Variants in FSHR observed in about 807,000 individuals in gnomAD.
FSHR encodes follicle-stimulating hormone receptor.
In FSHR, 46 loss-of-function variants were observed where a neutral mutation model predicts 52.1. That is an observed-to-expected ratio of 0.88 (90% CI 0.70 to 1.13). The LOEUF (loss-of-function observed/expected upper bound fraction) is 1.13, where lower values mean the gene tolerates loss of function less well. FSHR is among the 50% of genes most tolerant of loss of function. The pLI is 0.00. For synonymous variants in FSHR, 399 were observed against 309.6 expected, an observed-to-expected ratio of 1.29 and a Z score of -3.03; for missense variants, 964 against 834.6, an observed-to-expected ratio of 1.16 and a Z score of -1.91.
chr2:49,076,428 C>T lies in FSHR; in HGVS notation c.153-8138G>A, dbSNP rs2102241. Among the ~76,000 whole-genome samples the T allele has an allele frequency of 7.3e-3, 1,105 of 152,060 alleles. 16 individuals are homozygous for T. The highest frequency in any genetic ancestry group is 0.041 in the Middle Eastern group (12 of 294). On this transcript the variant is annotated intron_variant, in intron 1 of 9. Coordinates refer to ENST00000406846, the MANE Select transcript of FSHR (RefSeq NM_000145.4). ...CTTAGTCACTATCGTGAAAACAGCA[C>T]GGGAAAAACCCGCCCCCTTGATTCA...
At chr2:49,100,079 G>A (rs963963094) in intron 1 of FSHR, among the ~76,000 whole-genome samples, 1 of 152,060 alleles carries the variant, frequency 6.6e-6, no homozygotes, top group African/African-American at 2.4e-5. Context: ...TCTTTTACAC[G>A]TATTAACTCA....
chr2:49,021,878 T>G (rs1475318497), intron 2 of FSHR, among the ~76,000 whole-genome samples: 2 of 60,858 alleles, frequency 3.3e-5, no homozygotes, highest in African/African-American at 1.4e-4. Context: ...TATATATATA[T>G]ATATATATAG....
chr2:48,997,405 G>C, intron 4 of FSHR: 1 of 984,966 alleles, frequency 1.0e-6, no homozygotes, highest in Non-Finnish European at 1.2e-6. Flanking sequence ...CTAGAGGAGA[G>C]GTCAGTCCTA....
intron 1 of FSHR, among the ~76,000 whole-genome samples, chr2:49,122,708 T>G (rs1225320162): frequency 6.6e-6 from 1 of 152,082 alleles, no homozygotes; most frequent in Non-Finnish European, 1.5e-5. Context: ...AGCTTTCCAT[T>G]GTCTATTATA....
Position 48,974,174 on chromosome 2 carries a change from T to C in FSHR, c.669-5291A>G, listed in dbSNP as rs1382814648. Reference sequence around the variant, plus strand: ...GGTGCTTCTGCAGCAGGTAAGTATATGTGGCTGAGAATATAAAAGTTACCA... The same window carrying C: ...GGTGCTTCTGCAGCAGGTAAGTATACGTGGCTGAGAATATAAAAGTTACCA... On this transcript the variant is annotated intron_variant, in intron 8 of 9. Coordinates refer to ENST00000406846, the MANE Select transcript of FSHR (RefSeq NM_000145.4). Among the ~76,000 whole-genome samples, 3 of 152,088 alleles carry C rather than the reference T, an allele frequency of 2.0e-5. No homozygotes were observed. The East Asian group carries it at 5.8e-4, about 29-fold the overall frequency.
At chr2:49,016,763 T>G (rs1309310730) in intron 4 of FSHR, among the ~76,000 whole-genome samples, 5 of 150,248 alleles carry the variant, frequency 3.3e-5, no homozygotes, top group Non-Finnish European at 5.9e-5. Context: ...TGCTAATAGA[T>G]AACAGATATT....
chr2:49,103,612 C>T (rs992514041), intron 1 of FSHR, among the ~76,000 whole-genome samples: 5 of 152,068 alleles, frequency 3.3e-5, no homozygotes, highest in Non-Finnish European at 5.9e-5. Context: ...CGATGGCCTG[C>T]CTCTAACGGC....
chr2:49,078,894 C>T (rs930034101), intron 1 of FSHR, among the ~76,000 whole-genome samples: 17 of 152,034 alleles, frequency 1.1e-4, no homozygotes, highest in African/African-American at 3.9e-4. Flanking sequence ...GAAAAAGATA[C>T]GTCATAATTA....
chr2:49,040,937 T>G (rs1668458580), intron 2 of FSHR, among the ~76,000 whole-genome samples: 1 of 152,206 alleles, frequency 6.6e-6, no homozygotes, highest in African/African-American at 2.4e-5. Flanking sequence ...AAAGGAAAAG[T>G]GGACACTGGT....
intron 1 of FSHR, among the ~76,000 whole-genome samples, chr2:49,149,177 C>T (rs138067711): frequency 1.3e-5 from 2 of 152,052 alleles, no homozygotes; most frequent in African/African-American, 2.4e-5. Context: ...AAACTGTCAA[C>T]ATTCAACAAA....
At chr2:49,093,763 T>C (rs1670709422) in intron 1 of FSHR, among the ~76,000 whole-genome samples, 1 of 151,892 alleles carries the variant, frequency 6.6e-6, no homozygotes. Context: ...CCTGGCTAAT[T>C]TTTAAATATT....
At chr2:49,007,306 A>G (rs1667107371) in intron 4 of FSHR, among the ~76,000 whole-genome samples, 1 of 152,162 alleles carries the variant, frequency 6.6e-6, no homozygotes, top group South Asian at 2.1e-4. Flanking sequence ...GTCAGCTTAC[A>G]TCTCCTGTAA....
At chr2:48,990,134 A>G (rs1195601840) in intron 5 of FSHR, among the ~76,000 whole-genome samples, 1 of 152,106 alleles carries the variant, frequency 6.6e-6, no homozygotes, top group Non-Finnish European at 1.5e-5. Context: ...CCTTGGGAAA[A>G]GGCAAACACA....
chr2:49,026,663 G>A lies in FSHR; in HGVS notation c.225-6503C>T, dbSNP rs559858772. 3.9e-5 allele frequency among the ~76,000 whole-genome samples: 6 copies of A among 152,308 alleles called. No homozygotes were observed. The East Asian group carries it at 9.6e-4, about 24-fold the overall frequency. On this transcript the variant is annotated intron_variant, in intron 2 of 9. Transcript: ENST00000406846. ...GTTAGGCATACGCATGAAAAGTTGC[G>A]AGTGCAGAGTCAACAGAAGTGGAGG...
At chr2:49,014,848 A>T (rs747002616) in intron 4 of FSHR, 4 of 459,232 alleles carry the variant, frequency 8.7e-6, no homozygotes, top group Middle Eastern at 3.3e-4. Context: ...GTCTCTGGGG[A>T]TGCCTCTTCA....
intron 2 of FSHR, among the ~76,000 whole-genome samples, chr2:49,041,800 G>GAA (rs200712246): frequency 6.9e-5 from 10 of 144,446 alleles, no homozygotes; most frequent in East Asian, 6.0e-4. Context: ...TTAAAGAAGT[G>GAA]AAAAAAAAAA....
In FSHR at chr2:49,127,829, CCT is replaced by C. The variant is rs1326216660; in HGVS notation, c.152+26435_152+26436del. 1.5e-3 allele frequency among the ~76,000 whole-genome samples: 61 copies of C among 40,908 alleles called. 1 individual carries two copies. The highest frequency in any genetic ancestry group is 6.5e-3 in the African/African-American group (56 of 8,682). The allele number at this position is 40,908 out of a possible 152,430, so 26.8% of individuals were successfully genotyped here. A position where few individuals can be genotyped will look rare whatever the true frequency, so the allele number is the denominator to read the frequency against. On this transcript the variant is annotated intron_variant, in intron 1 of 9. Coordinates refer to ENST00000406846, the MANE Select transcript of FSHR (RefSeq NM_000145.4). ...TCTTCTTCTTCTTCTTCTTCTTCTT[CCT>C]CTTCTTCTTCTTCTTCTTCTTCTTC...
At chr2:49,015,762 A>T (rs1667467185) in intron 4 of FSHR, among the ~76,000 whole-genome samples, 1 of 152,178 alleles carries the variant, frequency 6.6e-6, no homozygotes, top group Non-Finnish European at 1.5e-5. Flanking sequence ...CCTAACCTCT[A>T]AGCAGGACTG....
chr2:49,131,188 C>T (rs369642093), intron 1 of FSHR, among the ~76,000 whole-genome samples: 4 of 152,156 alleles, frequency 2.6e-5, no homozygotes, highest in East Asian at 3.9e-4. Context: ...TATTTATACT[C>T]AGTCCTTTAT....
Sources: allele counts gnomAD v4.1 joint callset (sites outside exome capture counted in the v4.1 genomes callset), GRCh38; gene constraint gnomAD v4.1.1; transcripts MANE v1.5; gene names NCBI Gene and HGNC (gene_info 2026-07-23, HGNC 2026-07-21).